The following DDX3X variants were observed in gnomAD, a reference collection of about 807,000 sequenced individuals.
DDX3X encodes the protein ATP-dependent RNA helicase DDX3X.
Under a neutral mutation model 52.7 loss-of-function variants are expected in DDX3X, and 4 were observed. That is an observed-to-expected ratio of 0.08 (90% CI 0.04 to 0.17). The LOEUF (loss-of-function observed/expected upper bound fraction) is 0.17. Among genes scored for constraint, DDX3X ranks in the 10% least tolerant of loss-of-function variants. The probability of loss-of-function intolerance (pLI) is 1.00; values close to 1 mark genes in which losing one functional copy is unlikely to be tolerated. For missense variants in DDX3X, 222 were observed against 548.6 expected (o/e 0.40, Z 5.95); for synonymous variants, 192 against 178.1 (o/e 1.08, Z -0.62).
chrX:41,341,290 A>G (rs1036192366), intron 3 of DDX3X, 194 bp from the exon 4 acceptor site: 2 of 375,327 alleles, frequency 5.3e-6, no homozygotes, highest in Non-Finnish European at 9.2e-6. Flanking sequence ...TGGCCAGTGG[A>G]CAGTATTTTC....
At chrX:41,355,811 C>G (rs1251489856) in intron 5 of DDX3X, among the ~76,000 whole-genome samples, 1 of 109,895 alleles carries the variant, frequency 9.1e-6, no homozygotes, top group Non-Finnish European at 1.9e-5. Flanking sequence ...TTTGGCTGCT[C>G]TAATTGGTGT....
intron 11 of DDX3X, 23 bp from the exon 12 acceptor site, chrX:41,345,381 A>G (rs371520120): frequency 8.4e-7 from 1 of 1,197,324 alleles, no homozygotes; most frequent in Non-Finnish European, 1.1e-6. Context: ...CTCAGGTAAT[A>G]ATAAAAATTT....
intron 7 of DDX3X, 82 bp from the exon 8 acceptor site, chrX:41,343,655 A>G: frequency 1.1e-6 from 1 of 880,354 alleles, no homozygotes; most frequent in Non-Finnish European, 1.6e-6. Flanking sequence ...ATTATTAGTA[A>G]TAGGGTAGTT....
In DDX3X at chrX:41,348,933, GCAGTTTTAGT is replaced by G. The variant is rs773809766; in HGVS notation, c.*1225_*1234del. ...CAAGGTGTCAATTCTGCTCTACAGT[GCAGTTTTAGT>G]CAGTTTTAGTTGCATAGGTTTCCAT... On this transcript the variant is annotated 3_prime_UTR_variant, in exon 17 of 17. Coordinates refer to ENST00000644876, the MANE Select transcript of DDX3X (RefSeq NM_001356.5). The G allele has an allele frequency of 8.9e-6, 1 of 112,221 alleles. No individual in the cohort carries two copies. The highest frequency in any genetic ancestry group is 1.9e-5 in the Non-Finnish European group (1 of 53,182). 9.2% of individuals were successfully genotyped at this position (112,221 alleles called of 1,213,427 possible).
chrX:41,342,008 G>A (rs2063857556), intron 4 of DDX3X: 6 of 148,683 alleles, frequency 4.0e-5, no homozygotes, highest in South Asian at 1.6e-4. Context: ...CTGATTTTTC[G>A]CAAACAGGCC....
Position 41,347,857 on chromosome X carries a change from A to G in DDX3X, c.*138A>G, listed in dbSNP as rs1388757094. 5 of 432,544 alleles carry G rather than the reference A, an allele frequency of 1.2e-5. No individual in the cohort carries two copies. The highest frequency in any genetic ancestry group is 8.1e-5 in the East Asian group (2 of 24,817). 35.6% of individuals were successfully genotyped at this position (432,544 alleles called of 1,213,427 possible). On this transcript the variant is annotated 3_prime_UTR_variant, in exon 17 of 17. Coordinates refer to ENST00000644876, the MANE Select transcript of DDX3X (RefSeq NM_001356.5). ...GATTCTCCACTGAAATTTTTTTTTT[A>G]AGGGAGCTCAAGGTCACAAGAAGAA...
At chrX:41,342,273 C>A in intron 4 of DDX3X, 1 of 380,666 alleles carries the variant, frequency 2.6e-6, no homozygotes, top group Non-Finnish European at 4.5e-6. Flanking sequence ...GCCTTTTAGG[C>A]TATACAACTT....
At position 41,347,968 on chromosome X, in the gene DDX3X, C is replaced by A; in HGVS notation, c.*249C>A. The A allele has an allele frequency of 2.6e-5, 9 of 346,139 alleles. No homozygotes were observed. Among genetic ancestry groups the A allele is most frequent in the Non-Finnish European group, 4.5e-5 (9 of 201,898 alleles). 28.5% of individuals were successfully genotyped at this position (346,139 alleles called of 1,213,427 possible). On this transcript the variant is annotated 3_prime_UTR_variant, in exon 17 of 17. Coordinates refer to ENST00000644876, the MANE Select transcript of DDX3X (RefSeq NM_001356.5). The stretch of plus-strand genomic sequence containing the variant: ...TTGGATTAACTCCCCTCCCGCCTAC[C>A]CCCATCCCAAACTGCATTTATAATT...
At chrX:41,352,129 C>T (rs1363017033), downstream of DDX3X, among the ~76,000 whole-genome samples, 4 of 111,418 alleles carry the variant, frequency 3.6e-5, 1 homozygote, top group Non-Finnish European at 7.5e-5. Context: ...TAAATATATA[C>T]ATAAAATGAG....
In DDX3X at chrX:41,339,020, A is replaced by C; in HGVS notation, c.104-16A>C. On this transcript the variant is annotated splice_polypyrimidine_tract_variant and intron_variant, in intron 2 of 16. Coordinates refer to ENST00000644876, the MANE Select transcript of DDX3X (RefSeq NM_001356.5). ...TTGGCATTTAATTAATTTTATATATATATATATTTTTTTAGAAGGGCGCTA... is the reference window on the plus strand; with the variant it reads ...TTGGCATTTAATTAATTTTATATATCTATATATTTTTTTAGAAGGGCGCTA... The C allele has an allele frequency of 1.2e-6, 1 of 823,530 alleles. No individual in the cohort carries two copies. The highest frequency in any genetic ancestry group is 1.6e-6 in the Non-Finnish European group (1 of 625,945). 67.9% of individuals were successfully genotyped at this position (823,530 alleles called of 1,213,427 possible). A position where few individuals can be genotyped will look rare whatever the true frequency, so the allele number is the denominator to read the frequency against.
chrX:41,337,614 CT>C (rs2063790306), intron 2 of DDX3X, 149 bp downstream of exon 2: 2 of 406,372 alleles, frequency 4.9e-6, no homozygotes, highest in East Asian at 8.6e-5. Context: ...TTATGTAGTA[CT>C]TAGTGATCAA....
chrX:41,335,500 T>C (rs1306413857), intron 1 of DDX3X: 1 of 110,687 alleles, frequency 9.0e-6, no homozygotes, highest in Non-Finnish European at 1.9e-5. Flanking sequence ...TTATGGACTT[T>C]GGTGGCAGGA....
At chrX:41,359,332 C>T (rs1354864925) in intron 5 of DDX3X, among the ~76,000 whole-genome samples, 1 of 111,766 alleles carries the variant, frequency 8.9e-6, no homozygotes, top group African/African-American at 3.2e-5. Flanking sequence ...CCAGGCCGGG[C>T]ATCGTGGCTC....
At chrX:41,355,543 C>T (rs1249437175) in intron 5 of DDX3X, among the ~76,000 whole-genome samples, 2 of 110,872 alleles carry the variant, frequency 1.8e-5, no homozygotes, top group Non-Finnish European at 3.8e-5. Context: ...TCATGGCTCA[C>T]TGCAGCCTTG....
chrX:41,360,238 C>T (rs1480940871), intron 5 of DDX3X, among the ~76,000 whole-genome samples: 1 of 105,903 alleles, frequency 9.4e-6, no homozygotes, highest in Admixed American at 1.0e-4. Flanking sequence ...ATTAGCTGGG[C>T]GTGGTGGTGC....
At chrX:41,350,729 C>T (rs2063977975), downstream of DDX3X, 1 of 111,400 alleles carries the variant, frequency 9.0e-6, no homozygotes, top group Non-Finnish European at 1.9e-5. Flanking sequence ...GAGTTCAAGT[C>T]CAGCCTGGGC....
rs961568008 is a variant in DDX3X, at chrX:41,362,167, C to A, written c.655-2107C>A. Among the ~76,000 whole-genome samples, 5 of 103,453 alleles carry A rather than the reference C, an allele frequency of 4.8e-5. No homozygotes were observed. The East Asian group carries it at 1.6e-3, about 32-fold the overall frequency. The allele number at this position is 103,453 out of a possible 115,157, so 89.8% of individuals were successfully genotyped here. On this transcript the variant is annotated intron_variant, in intron 5 of 5. Transcript: ENST00000616050. ...GCAATGGTGCGATCTCGGCTCACTG[C>A]AACCTCTGCCTCCTGGGTTCAAGCA...
At chrX:41,335,108 T>A (rs1225417175) in intron 1 of DDX3X, 1 of 110,796 alleles carries the variant, frequency 9.0e-6, no homozygotes, top group Non-Finnish European at 1.9e-5. Flanking sequence ...AATTGGCCGC[T>A]GCGCGCTGGG....
intron 7 of DDX3X, 61 bp downstream of exon 7, chrX:41,343,412 A>G (rs2063878245): frequency 9.3e-7 from 1 of 1,074,757 alleles, no homozygotes; most frequent in Non-Finnish European, 1.2e-6. Context: ...AGACAATAAA[A>G]TATTTTATTT....
Sources: allele counts gnomAD v4.1 joint callset (sites outside exome capture counted in the v4.1 genomes callset), GRCh38; gene constraint gnomAD v4.1.1; transcripts MANE v1.5; gene names NCBI Gene and HGNC (gene_info 2026-07-23, HGNC 2026-07-21).